CLASP2: variants seen among roughly 807,000 people sequenced by gnomAD.
CLASP2 encodes the protein cytoplasmic linker associated protein 2, also known as CLIP-associating protein 2.
A neutral mutation model predicts 194.4 loss-of-function variants in CLASP2; 47 were observed. The observed-to-expected ratio is 0.24, with a 90% CI of 0.19 to 0.31. The LOEUF is 0.31. Ranked by LOEUF, CLASP2 falls within the 10% of genes least tolerant of loss-of-function variation. The pLI, the probability that CLASP2 is intolerant of heterozygous loss-of-function variation, is 1.00. For missense variants in CLASP2, 1,445 were observed against 1,823.6 expected, an observed-to-expected ratio of 0.79 and a Z score of 3.78; for synonymous variants, 619 against 633.5, an observed-to-expected ratio of 0.98 and a Z score of 0.34.
chr3:33,653,277 A>G (rs1559538694), intron 7 of CLASP2, among the ~76,000 whole-genome samples: 1 of 152,238 alleles, frequency 6.6e-6, no homozygotes, highest in Non-Finnish European at 1.5e-5. Flanking sequence ...GATTCTGATC[A>G]AGCCATTAGA....
chr3:33,584,991 C>A, intron 21 of CLASP2, 71 bp from the exon 22 acceptor site: 4 of 1,364,946 alleles, frequency 2.9e-6, no homozygotes, highest in South Asian at 1.5e-5. Flanking sequence ...GATAAAAATT[C>A]AAGAAATATT....
At chr3:33,540,444 G>A (rs1209775694) in intron 32 of CLASP2, among the ~76,000 whole-genome samples, 2 of 151,866 alleles carry the variant, frequency 1.3e-5, no homozygotes, top group Non-Finnish European at 2.9e-5. Context: ...GTCTCAATAT[G>A]TTGCCCAGGT....
intron 6 of CLASP2, among the ~76,000 whole-genome samples, chr3:33,676,098 G>T (rs2154340657): frequency 6.6e-6 from 1 of 152,198 alleles, no homozygotes; most frequent in East Asian, 1.9e-4. Flanking sequence ...AAGTTCATAT[G>T]GAACCAAAAA....
chr3:33,584,184 AAT>A (rs1161643044), intron 22 of CLASP2, among the ~76,000 whole-genome samples: 32 of 152,154 alleles, frequency 2.1e-4, no homozygotes, highest in African/African-American at 6.8e-4. Flanking sequence ...ATATGTGATA[AAT>A]ATGTTATAAA....
Position 33,577,120 on chromosome 3 carries a change from A to G in CLASP2, c.2348-845T>C, listed in dbSNP as rs943095713. On this transcript the variant is annotated intron_variant, in intron 23 of 38. Transcript: ENST00000682230. ...AATAATAAAAAATCAATTTTAAAAC[A>G]TGAATATTATTTAATGGAAACTGAA... 8 of 1,005,006 alleles carry G rather than the reference A, an allele frequency of 8.0e-6. No homozygotes were observed. In the African/African-American group the frequency reaches 8.4e-5, roughly 11 times the overall value. The allele number at this position is 1,005,006 out of a possible 1,614,324, so 62.3% of individuals were successfully genotyped here.
chr3:33,520,552 T>G (rs748954823), intron 34 of CLASP2, among the ~76,000 whole-genome samples: 1 of 152,002 alleles, frequency 6.6e-6, no homozygotes, highest in African/African-American at 2.4e-5. Context: ...AGGGCATTCA[T>G]GGTTTTGAGT....
chr3:33,610,746 C>G (rs1250154185), intron 13 of CLASP2, among the ~76,000 whole-genome samples: 1 of 152,162 alleles, frequency 6.6e-6, no homozygotes, highest in East Asian at 1.9e-4. Flanking sequence ...GTAGGCTGTA[C>G]AAAACCAGAC....
At chr3:33,662,561 T>C (rs1575394336) in intron 7 of CLASP2, among the ~76,000 whole-genome samples, 1 of 152,308 alleles carries the variant, frequency 6.6e-6, no homozygotes, top group Non-Finnish European at 1.5e-5. Flanking sequence ...ACTTACTCCA[T>C]CTGACTTCCC....
intron 34 of CLASP2, among the ~76,000 whole-genome samples, chr3:33,523,503 G>C (rs1403806932): frequency 6.6e-6 from 1 of 152,152 alleles, no homozygotes. Context: ...GAAGGTAGTA[G>C]GCTGATATAT....
At chr3:33,576,379 T>C (rs1447685531) in intron 23 of CLASP2, 104 bp from the exon 24 acceptor site, 4 of 751,068 alleles carry the variant, frequency 5.3e-6, no homozygotes, top group East Asian at 2.7e-5. Context: ...AAAAAACCAA[T>C]GGGGCAAAGC....
At chr3:33,661,227 T>A (rs1474677992) in intron 7 of CLASP2, among the ~76,000 whole-genome samples, 1 of 152,226 alleles carries the variant, frequency 6.6e-6, no homozygotes, top group Non-Finnish European at 1.5e-5. Context: ...CCACATTGTA[T>A]ATCCATTTAT....
chr3:33,536,293 G>A lies in CLASP2; in HGVS notation c.3559-832C>T, dbSNP rs2057325553. ...AACTTAATGAACGAATAAAGTATAC[G>A]ACATGTTAGAAGAAGGAATCATGAA... On this transcript the variant is annotated intron_variant, in intron 33 of 38. Transcript: ENST00000682230. Among the ~76,000 whole-genome samples, 6 of 151,644 alleles carry A rather than the reference G, an allele frequency of 4.0e-5. No individual in the cohort carries two copies. The South Asian group carries it at 1.2e-3, about 32-fold the overall frequency.
intron 34 of CLASP2, among the ~76,000 whole-genome samples, chr3:33,518,191 GT>G (rs2051962768): frequency 6.6e-6 from 1 of 152,134 alleles, no homozygotes; most frequent in Non-Finnish European, 1.5e-5. Flanking sequence ...GGGCCCAGTG[GT>G]TACCAAGGAG....
At chr3:33,643,715 G>A (rs2081767638) in intron 8 of CLASP2, among the ~76,000 whole-genome samples, 1 of 151,868 alleles carries the variant, frequency 6.6e-6, no homozygotes, top group Admixed American at 6.6e-5. Flanking sequence ...ACTTATGATA[G>A]TTTTTCTATA....
intron 1 of CLASP2, among the ~76,000 whole-genome samples, chr3:33,703,087 G>T (rs1395236762): frequency 6.6e-6 from 1 of 152,184 alleles, no homozygotes; most frequent in Non-Finnish European, 1.5e-5. Flanking sequence ...CATGGTCCAT[G>T]AAAGAAATAA....
intron 12 of CLASP2, among the ~76,000 whole-genome samples, chr3:33,612,535 G>C (rs1051889080): frequency 6.6e-6 from 1 of 152,098 alleles, no homozygotes; most frequent in African/African-American, 2.4e-5. Context: ...ACTTCATTCT[G>C]GCTGAATCGT....
chr3:33,527,290 T>C (rs904396438), intron 34 of CLASP2, among the ~76,000 whole-genome samples: 3 of 152,132 alleles, frequency 2.0e-5, no homozygotes, highest in African/African-American at 7.2e-5. Flanking sequence ...GGAATGTTAC[T>C]ACTGACTGCA....
intron 1 of CLASP2, among the ~76,000 whole-genome samples, chr3:33,708,637 C>T (rs1195139436): frequency 6.6e-6 from 1 of 151,284 alleles, no homozygotes; most frequent in Non-Finnish European, 1.5e-5. Flanking sequence ...TTTCCATATC[C>T]TGGCTATTGT....
chr3:33,647,727 G>A (rs1267873105), intron 7 of CLASP2, among the ~76,000 whole-genome samples: 1 of 152,150 alleles, frequency 6.6e-6, no homozygotes, highest in Non-Finnish European at 1.5e-5. Context: ...TCTGCTCTAG[G>A]CTAACTACTA....
Sources: allele counts gnomAD v4.1 joint callset (sites outside exome capture counted in the v4.1 genomes callset), GRCh38; gene constraint gnomAD v4.1.1; transcripts MANE v1.5; gene names NCBI Gene and HGNC (gene_info 2026-07-23, HGNC 2026-07-21).